RAP1GAP2: variants seen among roughly 807,000 people sequenced by gnomAD.
The protein encoded by RAP1GAP2 is RAP1 GTPase activating protein 2.
A neutral mutation model predicts 95.0 loss-of-function variants in RAP1GAP2; 27 were observed. The observed-to-expected ratio is 0.28, with a 90% CI of 0.21 to 0.39. The LOEUF (loss-of-function observed/expected upper bound fraction) is 0.39, where lower values mean the gene tolerates loss of function less well. Ranked by LOEUF, RAP1GAP2 falls within the 10% of genes least tolerant of loss-of-function variation. The pLI is 1.00. For missense variants in RAP1GAP2, 771 were observed against 970.0 expected, an observed-to-expected ratio of 0.79 and a Z score of 2.72; for synonymous variants, 373 against 380.9, an observed-to-expected ratio of 0.98 and a Z score of 0.24.
chr17:2,858,252 A>T (rs189884608), intron 2 of RAP1GAP2, among the ~76,000 whole-genome samples: 24 of 152,294 alleles, frequency 1.6e-4, no homozygotes, highest in African/African-American at 5.5e-4. Flanking sequence ...CATGGAGTTT[A>T]TGAGGAGGAA....
chr17:3,001,426 AG>A (rs1280041162), intron 14 of RAP1GAP2, among the ~76,000 whole-genome samples: 1 of 124,514 alleles, frequency 8.0e-6, no homozygotes, highest in Admixed American at 7.9e-5. Flanking sequence ...ATGCCGGAGA[AG>A]GGACAGAAGA....
At chr17:2,889,863 GTATATATATATATA>G (rs748546441) in intron 2 of RAP1GAP2, among the ~76,000 whole-genome samples, 1 of 79,862 alleles carries the variant, frequency 1.3e-5, no homozygotes, top group South Asian at 5.8e-4. Context: ...TTATGTGTGT[GTATATATATATATA>G]TATATATATA....
At chr17:2,988,564 C>T (rs1316905668) in intron 11 of RAP1GAP2, among the ~76,000 whole-genome samples, 2 of 152,164 alleles carry the variant, frequency 1.3e-5, no homozygotes, top group African/African-American at 4.8e-5. Flanking sequence ...TTTTTCATTG[C>T]TGAGTAGTAC....
chr17:2,986,387 G>T (rs1479054391), intron 11 of RAP1GAP2, among the ~76,000 whole-genome samples: 1 of 152,038 alleles, frequency 6.6e-6, no homozygotes, highest in East Asian at 1.9e-4. Flanking sequence ...TTCTTTGCTT[G>T]TGGAATTTAC....
chr17:2,941,910 T>C lies in RAP1GAP2; in HGVS notation c.166-15849T>C, dbSNP rs549441015. 6.6e-5 allele frequency among the ~76,000 whole-genome samples: 10 copies of C among 152,264 alleles called. No individual in the cohort carries two copies. The South Asian group carries it at 1.2e-3, about 19-fold the overall frequency. ...GTTGGTCAGGCTGGTTTTGAACTCC[T>C]GACCTCAGGTGATCCACCTGCCTCG... On this transcript the variant is annotated intron_variant, in intron 3 of 24. Coordinates refer to ENST00000254695, the MANE Select transcript of RAP1GAP2 (RefSeq NM_015085.5).
intron 22 of RAP1GAP2, among the ~76,000 whole-genome samples, chr17:3,030,194 A>ACACACACACACACACACT (rs2047249098): frequency 3.3e-5 from 5 of 150,268 alleles, no homozygotes; most frequent in Middle Eastern, 3.5e-3. Flanking sequence ...ACACACACAC[A>ACACACACACACACACACT]CACTCACTCT....
In RAP1GAP2 at chr17:2,965,041, C is replaced by T. The variant is rs2044529493; in HGVS notation, c.493-499C>T. 6.4e-6 allele frequency: 1 copy of T among 157,334 alleles called. No homozygotes were observed. Among genetic ancestry groups the T allele is most frequent in the Non-Finnish European group, 1.4e-5 (1 of 70,832 alleles). 9.7% of individuals were successfully genotyped at this position (157,334 alleles called of 1,614,324 possible). A position where few individuals can be genotyped will look rare whatever the true frequency, so the allele number is the denominator to read the frequency against. Reference sequence around the variant, plus strand: ...CAGGGAGTGACCCACTGGCTCAGGACACCTCCCAGCTCCCCTGGGTGGAGG... The same window carrying T: ...CAGGGAGTGACCCACTGGCTCAGGATACCTCCCAGCTCCCCTGGGTGGAGG... On this transcript the variant is annotated intron_variant, in intron 7 of 24. Coordinates refer to ENST00000254695, the MANE Select transcript of RAP1GAP2 (RefSeq NM_015085.5). This position sits in a 1 kb window ranked among gnomAD's most constrained non-coding sequence, Gnocchi z 4.7.
At chr17:2,975,714 T>G (rs2151521376) in intron 8 of RAP1GAP2, among the ~76,000 whole-genome samples, 1 of 152,366 alleles carries the variant, frequency 6.6e-6, no homozygotes, top group East Asian at 1.9e-4. Context: ...CAGTTAAGTC[T>G]CACCTGAGCA....
intron 3 of RAP1GAP2, among the ~76,000 whole-genome samples, chr17:2,932,385 C>T (rs886918353): frequency 1.4e-4 from 21 of 151,820 alleles, no homozygotes; most frequent in African/African-American, 4.8e-4. Context: ...GGAGACTGGC[C>T]AACTGCATAT....
intron 2 of RAP1GAP2, among the ~76,000 whole-genome samples, chr17:2,815,826 C>A (rs771715892): frequency 6.6e-6 from 1 of 152,228 alleles, no homozygotes; most frequent in African/African-American, 2.4e-5. Flanking sequence ...CGGTCACACA[C>A]GTGTAACTGT....
chr17:2,959,272 G>C (rs1179110301), intron 4 of RAP1GAP2, among the ~76,000 whole-genome samples: 1 of 152,216 alleles, frequency 6.6e-6, no homozygotes, highest in African/African-American at 2.4e-5. Flanking sequence ...CAGCCTCAGA[G>C]TGTTGTGTTG....
chr17:3,025,337 A>G lies in RAP1GAP2; in HGVS notation c.1752-671A>G, dbSNP rs76981059. ...GGTTGCAGCAATCCAAGATCGCACC[A>G]CTGCACTCCAGCCTGGGCAACAGAG... On this transcript the variant is annotated intron_variant, in intron 19 of 24. Transcript: ENST00000254695. 9.2e-3 allele frequency among the ~76,000 whole-genome samples: 1,407 copies of G among 152,308 alleles called. 17 individuals carry two copies. The highest frequency in any genetic ancestry group is 0.032 in the African/African-American group (1,332 of 41,562).
At chr17:2,932,151 A>G (rs1279119498) in intron 3 of RAP1GAP2, among the ~76,000 whole-genome samples, 2 of 152,176 alleles carry the variant, frequency 1.3e-5, no homozygotes, top group African/African-American at 4.8e-5. Context: ...GGTTTAGCTC[A>G]TCTGTAAATC....
intron 2 of RAP1GAP2, among the ~76,000 whole-genome samples, chr17:2,819,257 T>C (rs1365004074): frequency 6.6e-6 from 1 of 151,630 alleles, no homozygotes; most frequent in African/African-American, 2.4e-5. Context: ...CCTGACCTCA[T>C]CATCTGCCTG....
intron 8 of RAP1GAP2, among the ~76,000 whole-genome samples, chr17:2,975,569 A>G (rs80147207): frequency 0.016 from 2,501 of 152,308 alleles, 80 homozygotes; most frequent in African/African-American, 0.057. Context: ...GGCTAGAGGG[A>G]ATACTTTGGT....
chr17:2,816,235 TG>T lies in RAP1GAP2; in HGVS notation c.80+15686del, dbSNP rs199723681. 1.1e-3 allele frequency among the ~76,000 whole-genome samples: 160 copies of T among 149,828 alleles called. 3 individuals carry two copies. In the South Asian group the frequency reaches 0.019, roughly 18 times the overall value. On this transcript the variant is annotated intron_variant, in intron 2 of 24. Coordinates refer to ENST00000254695, the MANE Select transcript of RAP1GAP2 (RefSeq NM_015085.5). ...ACCATACAGAGGTGCTGTTTTGTTTTGTTTTTTTTTTTTCTTAGGATAATGA... is the reference window on the plus strand; with the variant it reads ...ACCATACAGAGGTGCTGTTTTGTTTTTTTTTTTTTTTTCTTAGGATAATGA...
chr17:3,006,120 CTTTTTTTTTTTT>C (rs537126167), intron 16 of RAP1GAP2, 79 bp downstream of exon 16: 9 of 409,924 alleles, frequency 2.2e-5, no homozygotes, highest in Admixed American at 2.0e-4. Context: ...GCTCCTCCAT[CTTTTTTTTTTTT>C]TTTTTTTTTT....
chr17:2,786,946 CTTTTTTTTTTTTT>C (rs67990731), intron 1 of RAP1GAP2, among the ~76,000 whole-genome samples: 2 of 58,254 alleles, frequency 3.4e-5, no homozygotes, highest in African/African-American at 1.5e-4. Context: ...CGCTCCCAGC[CTTTTTTTTTTTTT>C]TTTTTTTTTT....
chr17:2,872,213 C>CAAAA lies in RAP1GAP2; in HGVS notation c.81-33053_81-33050dup, dbSNP rs562587177. The stretch of plus-strand genomic sequence containing the variant: ...TGGATGACAGAATGAGCCTCTGTCT[C>CAAAA]AAAAAAAAAAAAAAAAAAAAAGGTG... On this transcript the variant is annotated intron_variant, in intron 2 of 24. Coordinates refer to ENST00000254695, the MANE Select transcript of RAP1GAP2 (RefSeq NM_015085.5). 4.2e-4 allele frequency among the ~76,000 whole-genome samples: 32 copies of CAAAA among 75,568 alleles called. 2 individuals are homozygous for CAAAA. The highest frequency in any genetic ancestry group is 2.8e-3 in the South Asian group (4 of 1,414). The allele number at this position is 75,568 out of a possible 152,430, so 49.6% of individuals were successfully genotyped here. A position where few individuals can be genotyped will look rare whatever the true frequency, so the allele number is the denominator to read the frequency against.
Sources: gnomAD v4.1 joint callset for allele counts (sites outside exome capture counted in the v4.1 genomes callset) on GRCh38, gnomAD v4.1.1 for gene constraint, Gnocchi (gnomAD v3.1) non-coding constraint, MANE v1.5 for transcripts, NCBI Gene and HGNC (gene_info 2026-07-23, HGNC 2026-07-21) for gene names.